The following GLIS3 variants were observed in gnomAD, a reference collection of about 807,000 sequenced individuals.
GLIS3 encodes the protein zinc finger protein GLIS3.
GLIS3 carries 53 observed loss-of-function variants against 78.6 expected under a neutral mutation model. That is an observed-to-expected ratio of 0.67 (90% CI 0.54 to 0.85). GLIS3 has a LOEUF of 0.85. Among genes scored for constraint, GLIS3 ranks in the 40% least tolerant of loss-of-function variants. The probability of loss-of-function intolerance (pLI) is 0.00; values close to 1 mark genes in which losing one functional copy is unlikely to be tolerated. For missense variants in GLIS3, 1,703 were observed against 1,231.1 expected (o/e 1.38, Z -5.74); for synonymous variants, 684 against 509.9 (o/e 1.34, Z -4.60).
chr9:4,396,810 G>A, the GLIS3 span, among the ~76,000 whole-genome samples: 1 of 152,034 alleles, frequency 6.6e-6, no homozygotes, highest in Non-Finnish European at 1.5e-5. Flanking sequence ...TAAAATTAGT[G>A]CCAGTCCATT....
chr9:3,997,283 T>C (rs1479709406), intron 4 of GLIS3, among the ~76,000 whole-genome samples: 1 of 151,646 alleles, frequency 6.6e-6, no homozygotes, highest in Non-Finnish European at 1.5e-5. Context: ...GAGGCGGAGG[T>C]TGAGGTAAGC....
intron 6 of GLIS3, chr9:3,900,989 A>G (rs930868413): frequency 1.3e-4 from 20 of 152,294 alleles, no homozygotes; most frequent in African/African-American, 4.6e-4. Flanking sequence ...AACTTGCAAC[A>G]TTCCACCATT....
chr9:4,392,212 G>A, the GLIS3 span, among the ~76,000 whole-genome samples: 4 of 151,892 alleles, frequency 2.6e-5, no homozygotes, highest in African/African-American at 9.7e-5. Context: ...GACACAGGGA[G>A]GGGAACAACA....
the GLIS3 span, among the ~76,000 whole-genome samples, chr9:4,380,751 C>T: frequency 4.5e-3 from 692 of 152,172 alleles, 4 homozygotes; most frequent in African/African-American, 0.015. Context: ...AAATAAAGTA[C>T]GAAAGAAACT....
the GLIS3 span, among the ~76,000 whole-genome samples, chr9:4,434,197 A>G: frequency 6.6e-6 from 1 of 152,014 alleles, no homozygotes; most frequent in Non-Finnish European, 1.5e-5. Context: ...TTTAATGTAT[A>G]TAGTTATTTA....
intron 4 of GLIS3, among the ~76,000 whole-genome samples, chr9:4,055,736 C>T (rs1053908625): frequency 2.0e-5 from 3 of 152,288 alleles, no homozygotes; most frequent in South Asian, 2.1e-4. Flanking sequence ...TTCTGTTTTC[C>T]GTGGATCAAC....
At chr9:3,920,722 G>C (rs529397765) in intron 6 of GLIS3, among the ~76,000 whole-genome samples, 12 of 150,570 alleles carry the variant, frequency 8.0e-5, no homozygotes, top group African/African-American at 2.4e-4. Context: ...ATGTACACAT[G>C]AGGAAATGAA....
chr9:4,222,297 C>T lies in GLIS3; in HGVS notation c.388+63741G>A, dbSNP rs1655816688. Among the ~76,000 whole-genome samples the T allele has an allele frequency of 1.3e-5, 2 of 152,196 alleles. 1 individual carries two copies. The highest frequency in any genetic ancestry group is 1.3e-4 in the Admixed American group (2 of 15,284). ...TTGCAACCCCAAACAAAATACTATT[C>T]TCTCTACCAAAGTTCCTCCCACTAC... On this transcript the variant is annotated intron_variant, in intron 2 of 10. Coordinates refer to ENST00000381971, the MANE Select transcript of GLIS3 (RefSeq NM_001042413.2).
At chr9:4,329,946 AGT>A (rs1373832540) in intron 2 of GLIS3, among the ~76,000 whole-genome samples, 1 of 151,966 alleles carries the variant, frequency 6.6e-6, no homozygotes, top group African/African-American at 2.4e-5. Context: ...TATTTATTTT[AGT>A]GTATCAATTA....
rs1819625759 is a variant in GLIS3 at position 3,854,449 on chromosome 9, A to G, written c.2473+1560T>C. Among the ~76,000 whole-genome samples the G allele has an allele frequency of 3.3e-5, 5 of 152,088 alleles. No individual in the cohort carries two copies. The South Asian group carries it at 1.0e-3, about 31-fold the overall frequency. ...TGGACGGAACTTTGAGCCAGAACCA[A>G]TAGCTCTGGTTTTTCAAGGTCTCTT... On this transcript the variant is annotated intron_variant, in intron 9 of 10. Transcript: ENST00000381971.
intron 2 of GLIS3, among the ~76,000 whole-genome samples, chr9:4,134,741 A>G (rs1833267557): frequency 6.6e-6 from 1 of 152,220 alleles, no homozygotes; most frequent in Non-Finnish European, 1.5e-5. Flanking sequence ...CTTTCTAGCC[A>G]TTTTTTAAAA....
rs59923144 is a variant in GLIS3, at chr9:3,860,272, C to CAAAAAAAA, written c.2298-4096_2298-4089dup. Among the ~76,000 whole-genome samples the CAAAAAAAA allele has an allele frequency of 2.1e-4, 11 of 53,608 alleles. 1 individual carries two copies. The highest frequency in any genetic ancestry group is 6.6e-4 in the East Asian group (1 of 1,512). The allele number at this position is 53,608 out of a possible 152,430, so 35.2% of individuals were successfully genotyped here. ...CCTGGGTGACAGAGCAAGACTCTGT[C>CAAAAAAAA]AAAAAAAAAAAAAAAAAAAAAAAAA... On this transcript the variant is annotated intron_variant, in intron 8 of 10. Transcript: ENST00000381971.
At chr9:4,366,911 A>G in the GLIS3 span, among the ~76,000 whole-genome samples, 1 of 152,106 alleles carries the variant, frequency 6.6e-6, no homozygotes, top group Non-Finnish European at 1.5e-5. Context: ...GAAGACCACT[A>G]GCTCCCTCTT....
intron 2 of GLIS3, among the ~76,000 whole-genome samples, chr9:4,232,451 T>C (rs909377413): frequency 1.3e-4 from 19 of 151,826 alleles, no homozygotes; most frequent in Non-Finnish European, 1.0e-4. Flanking sequence ...ACACCTACCT[T>C]TAGCACAACA....
the GLIS3 span, among the ~76,000 whole-genome samples, chr9:4,401,645 G>A: frequency 6.6e-6 from 1 of 150,418 alleles, no homozygotes; most frequent in Non-Finnish European, 1.5e-5. Context: ...TCAGCTCACT[G>A]CAACCTCTGC....
At chr9:4,395,582 C>G in the GLIS3 span, among the ~76,000 whole-genome samples, 3 of 152,132 alleles carry the variant, frequency 2.0e-5, no homozygotes, top group African/African-American at 7.2e-5. Context: ...TCCTTCGTCC[C>G]TGGCCTCTAC....
intron 4 of GLIS3, among the ~76,000 whole-genome samples, chr9:3,972,294 G>C (rs1238056560): frequency 6.6e-5 from 10 of 152,146 alleles, no homozygotes; most frequent in Admixed American, 5.9e-4. Flanking sequence ...AATCATCCCA[G>C]TTCTTTATTC....
intron 4 of GLIS3, among the ~76,000 whole-genome samples, chr9:3,984,954 C>T (rs1332023315): frequency 6.6e-6 from 1 of 152,094 alleles, no homozygotes; most frequent in Non-Finnish European, 1.5e-5. Flanking sequence ...ACTTGCTCGT[C>T]CTTGCCTTCT....
At chr9:4,150,204 A>G (rs1834562241) in intron 2 of GLIS3, among the ~76,000 whole-genome samples, 1 of 152,176 alleles carries the variant, frequency 6.6e-6, no homozygotes, top group Non-Finnish European at 1.5e-5. Flanking sequence ...AAAAACAACA[A>G]AAATAAAGCT....
Sources: gnomAD v4.1 joint callset for allele counts (sites outside exome capture counted in the v4.1 genomes callset) on GRCh38, gnomAD v4.1.1 for gene constraint, MANE v1.5 for transcripts, NCBI Gene and HGNC (gene_info 2026-07-23, HGNC 2026-07-21) for gene names.